WNK3: variants seen among roughly 807,000 people sequenced by gnomAD.
WNK3 encodes WNK lysine deficient protein kinase 3, also known as serine/threonine-protein kinase WNK3.
A neutral mutation model predicts 116.7 loss-of-function variants in WNK3; 18 were observed. That is an observed-to-expected ratio of 0.15 (90% CI 0.11 to 0.23). The LOEUF is 0.23. Ranked by LOEUF, WNK3 falls within the 10% of genes least tolerant of loss-of-function variation. WNK3 has a pLI of 1.00. For missense variants in WNK3, 993 were observed against 1,323.8 expected (o/e 0.75, Z 3.88); for synonymous variants, 404 against 469.4 (o/e 0.86, Z 1.80).
At position 54,313,812 on chromosome X, in the gene WNK3, C is replaced by T. The variant is rs1460188307; in HGVS notation, c.538-2521G>A. ...TGATGTCTACAAGTTTTTGATACAT[C>T]TTCGTAAACTATGAAGTATATAATT... is the stretch of plus-strand genomic sequence containing the variant. On this transcript the variant is annotated intron_variant, in intron 2 of 23. Coordinates refer to ENST00000354646, the Ensembl canonical transcript of WNK3. Among the ~76,000 whole-genome samples the T allele has an allele frequency of 2.7e-5, 3 of 111,821 alleles. No individual in the cohort carries two copies. The Admixed American group carries it at 2.9e-4, about 11-fold the overall frequency.
At chrX:54,255,618 G>A (rs1440055275) in intron 12 of WNK3, 122 bp downstream of exon 12, 2 of 555,043 alleles carry the variant, frequency 3.6e-6, no homozygotes, top group East Asian at 7.7e-5. Flanking sequence ...GTCTGTAACG[G>A]AGAAAAGGTT....
intron 2 of WNK3, among the ~76,000 whole-genome samples, chrX:54,315,622 G>T (rs2068945328): frequency 8.9e-6 from 1 of 111,803 alleles, no homozygotes; most frequent in East Asian, 2.8e-4. Context: ...TAGCATTGAA[G>T]ATAAGAAGAA....
At chrX:54,331,400 A>G (rs1557174259) in intron 2 of WNK3, among the ~76,000 whole-genome samples, 1 of 110,156 alleles carries the variant, frequency 9.1e-6, no homozygotes, top group Non-Finnish European at 1.9e-5. Context: ...ATATATATAT[A>G]CACACATACA....
intron 10 of WNK3, among the ~76,000 whole-genome samples, chrX:54,275,413 A>ATGTGTGTGTG (rs782746924): frequency 0.01 from 607 of 58,320 alleles, 19 homozygotes; most frequent in African/African-American, 0.027. Flanking sequence ...GTATAAGTTC[A>ATGTGTGTGTG]TATGTGTGTG....
chrX:54,196,437 A>G (rs1162238144), exon 24 of WNK3: 19 of 104,815 alleles, frequency 1.8e-4, no homozygotes, highest in African/African-American at 5.6e-4. Context: ...AGAGGTACTT[A>G]ATGTCACAAA....
At chrX:54,356,793 C>T (rs1187265396) in intron 1 of WNK3, among the ~76,000 whole-genome samples, 1 of 111,282 alleles carries the variant, frequency 9.0e-6, no homozygotes, top group Non-Finnish European at 1.9e-5. Flanking sequence ...CCATACTATT[C>T]GCATCTGTTT....
intron 6 of WNK3, among the ~76,000 whole-genome samples, chrX:54,300,144 G>A (rs1341868752): frequency 2.7e-5 from 3 of 110,918 alleles, no homozygotes; most frequent in African/African-American, 9.8e-5. Context: ...AGAGGTGTAA[G>A]CCACTGCACC....
intron 1 of WNK3, among the ~76,000 whole-genome samples, chrX:54,345,271 CAACTATA>C (rs1387835386): frequency 0.023 from 1,941 of 82,735 alleles, 43 homozygotes; most frequent in Admixed American, 0.088. Flanking sequence ...ACAACAACAA[CAACTATA>C]TATATATGTA....
intron 1 of WNK3, among the ~76,000 whole-genome samples, chrX:54,341,282 A>G (rs1367764333): frequency 9.0e-6 from 1 of 110,877 alleles, no homozygotes; most frequent in East Asian, 2.8e-4. Flanking sequence ...CTAGAATCCC[A>G]GCTACTCAGG....
intron 6 of WNK3, among the ~76,000 whole-genome samples, chrX:54,299,310 G>A (rs1245496337): frequency 2.7e-5 from 3 of 110,731 alleles, no homozygotes; most frequent in Non-Finnish European, 5.7e-5. Flanking sequence ...CATTTTTAGT[G>A]ACCAAGTGAC....
At chrX:54,331,884 A>G (rs1557174303) in intron 2 of WNK3, among the ~76,000 whole-genome samples, 1 of 111,926 alleles carries the variant, frequency 8.9e-6, no homozygotes, top group Non-Finnish European at 1.9e-5. Flanking sequence ...CTGAACAGCA[A>G]CCTACAGCAA....
chrX:54,273,983 A>C (rs1435716720), intron 10 of WNK3, among the ~76,000 whole-genome samples: 5 of 111,669 alleles, frequency 4.5e-5, no homozygotes, highest in African/African-American at 1.6e-4. Flanking sequence ...TGCTCCCAAC[A>C]CAACTTGTCT....
chrX:54,307,365 T>C (rs1267895625), intron 5 of WNK3, among the ~76,000 whole-genome samples: 1 of 111,776 alleles, frequency 8.9e-6, no homozygotes, highest in Non-Finnish European at 1.9e-5. Flanking sequence ...AACACTTTGC[T>C]TCTACCTTCC....
chrX:54,322,766 T>C (rs1385836567), intron 2 of WNK3, among the ~76,000 whole-genome samples: 1 of 111,690 alleles, frequency 9.0e-6, no homozygotes, highest in Non-Finnish European at 1.9e-5. Flanking sequence ...TTAAATAAAA[T>C]ATTCAAATTA....
At chrX:54,336,347 CA>C (rs1359040464) in intron 1 of WNK3, among the ~76,000 whole-genome samples, 7 of 108,135 alleles carry the variant, frequency 6.5e-5, no homozygotes, top group African/African-American at 2.4e-4. Flanking sequence ...CCCATCCCCC[CA>C]AAAAAACCCA....
At chrX:54,264,552 T>C (rs2068289847) in intron 10 of WNK3, among the ~76,000 whole-genome samples, 1 of 110,481 alleles carries the variant, frequency 9.1e-6, no homozygotes, top group African/African-American at 3.3e-5. Context: ...TCCAGCCTAT[T>C]ACATAGGCCA....
intron 1 of WNK3, 33 bp from the exon 2 acceptor site, chrX:54,333,825 C>T (rs782384980): frequency 1.6e-5 from 7 of 433,444 alleles, no homozygotes; most frequent in Admixed American, 4.3e-5. Context: ...TTTAAAATCA[C>T]CCTACAAAGG....
At chrX:54,344,089 C>A (rs1557176910) in intron 1 of WNK3, among the ~76,000 whole-genome samples, 1 of 112,192 alleles carries the variant, frequency 8.9e-6, no homozygotes, top group Non-Finnish European at 1.9e-5. Flanking sequence ...TAAGTATTTT[C>A]TCTGGCAAAG....
intron 21 of WNK3, 33 bp from the exon 22 acceptor site, chrX:54,228,776 A>T (rs1557148368): frequency 2.2e-6 from 1 of 463,201 alleles, no homozygotes; most frequent in South Asian, 3.6e-5. Context: ...TAGTATCAAA[A>T]TTTTCAAAAT....
Sources: allele counts gnomAD v4.1 joint callset (sites outside exome capture counted in the v4.1 genomes callset), GRCh38; gene constraint gnomAD v4.1.1; transcripts MANE v1.5; gene names NCBI Gene and HGNC (gene_info 2026-07-23, HGNC 2026-07-21).